NRBF2: variants seen among roughly 807,000 people sequenced by gnomAD.
The protein encoded by NRBF2 is nuclear receptor binding factor 2.
Under a neutral mutation model 28.5 loss-of-function variants are expected in NRBF2, and 12 were observed. The ratio of observed to expected loss-of-function variants is 0.42; its 90% CI spans 0.27 to 0.68. NRBF2 has a LOEUF of 0.68. NRBF2 is among the 30% of genes least tolerant of loss of function. NRBF2 has a pLI of 0.24. For missense variants in NRBF2, 274 were observed against 333.5 expected (o/e 0.82, Z 1.39); for synonymous variants, 102 against 116.5 (o/e 0.88, Z 0.80).
Position 63,154,780 on chromosome 10 carries a change from T to C in NRBF2, c.*562T>C, listed in dbSNP as rs1841707894. ...ACTCATAATGATAACCTCAAGACTA[T>C]CAGAAGAAATATTTAAATTTCCATT... is the stretch of plus-strand genomic sequence containing the variant. On this transcript the variant is annotated 3_prime_UTR_variant, in exon 4 of 4. Coordinates refer to ENST00000277746, the MANE Select transcript of NRBF2 (RefSeq NM_030759.5). 1 of 152,752 alleles carries C rather than the reference T, an allele frequency of 6.5e-6. No individual in the cohort carries two copies. The highest frequency in any genetic ancestry group is 1.5e-5 in the Non-Finnish European group (1 of 68,040). The allele number at this position is 152,752 out of a possible 1,614,324, so 9.5% of individuals were successfully genotyped here.
rs191427537 is a variant in NRBF2 at position 63,146,359 on chromosome 10, G to A, written c.115+66G>A. ...CAGAAAGTCACAATAGTAATAATGT[G>A]TGTTGCTTTTCATATGCAAGACTGA... On this transcript the variant is annotated intron_variant, in intron 2 of 3. Transcript: ENST00000277746. 5.6e-4 allele frequency: 638 copies of A among 1,131,998 alleles called. 2 individuals carry two copies. The highest frequency in any genetic ancestry group is 6.3e-4 in the East Asian group (26 of 40,988). The allele number at this position is 1,131,998 out of a possible 1,614,324, so 70.1% of individuals were successfully genotyped here. A position where few individuals can be genotyped will look rare whatever the true frequency, so the allele number is the denominator to read the frequency against.
intron 1 of NRBF2, among the ~76,000 whole-genome samples, chr10:63,138,971 T>A (rs1328583639): frequency 6.6e-6 from 1 of 152,170 alleles, no homozygotes; most frequent in Non-Finnish European, 1.5e-5. Flanking sequence ...TTTCCTCTGC[T>A]GCCTTTTCAG....
intron 1 of NRBF2, among the ~76,000 whole-genome samples, chr10:63,138,202 A>G (rs946422009): frequency 2.6e-5 from 4 of 152,100 alleles, no homozygotes; most frequent in South Asian, 2.1e-4. Context: ...AATCCCAGCT[A>G]CTTGGGAGGC....
intron 2 of NRBF2, among the ~76,000 whole-genome samples, chr10:63,148,601 A>T (rs1041552976): frequency 3.3e-5 from 5 of 152,322 alleles, no homozygotes; most frequent in African/African-American, 1.2e-4. Flanking sequence ...CCTGTCAAAG[A>T]TCAGAGGAGA....
chr10:63,133,331 C>A lies in NRBF2; in HGVS notation c.-140C>A. On this transcript the variant is annotated 5_prime_UTR_variant, in exon 1 of 4. Transcript: ENST00000277746. ...AGGAGGAAGTGGTGAGGTTGTTGCT[C>A]CTTCAGCGCCTATCGCTGGCTCTTG... 1.0e-6 allele frequency: 1 copy of A among 986,472 alleles called. No homozygotes were observed. Among genetic ancestry groups the A allele is most frequent in the Non-Finnish European group, 1.5e-6 (1 of 653,832 alleles). 61.1% of individuals were successfully genotyped at this position (986,472 alleles called of 1,614,324 possible).
intron 1 of NRBF2, among the ~76,000 whole-genome samples, chr10:63,144,705 C>T (rs147109897): frequency 4.7e-4 from 72 of 152,062 alleles, no homozygotes; most frequent in South Asian, 1.5e-3. Flanking sequence ...CGTGAGCCAC[C>T]GCGCCCGGCC....
intron 2 of NRBF2, among the ~76,000 whole-genome samples, chr10:63,148,583 G>C (rs568099899): frequency 1.3e-5 from 2 of 152,292 alleles, no homozygotes; most frequent in Non-Finnish European, 2.9e-5. Flanking sequence ...AGGGGACCTG[G>C]GTGTCCACCT....
intron 1 of NRBF2, among the ~76,000 whole-genome samples, chr10:63,144,059 CT>C (rs1273548169): frequency 6.6e-6 from 1 of 152,058 alleles, no homozygotes; most frequent in Non-Finnish European, 1.5e-5. Flanking sequence ...CACCCAGCCA[CT>C]TTTTACCTTT....
chr10:63,140,979 G>A (rs1259256393), intron 1 of NRBF2, among the ~76,000 whole-genome samples: 6 of 152,130 alleles, frequency 3.9e-5, no homozygotes, highest in African/African-American at 1.4e-4. Flanking sequence ...GATTATAGAC[G>A]TGAGCCTCCG....
At chr10:63,145,505 G>A (rs1040902421) in intron 1 of NRBF2, among the ~76,000 whole-genome samples, 1 of 152,192 alleles carries the variant, frequency 6.6e-6, no homozygotes, top group Non-Finnish European at 1.5e-5. Context: ...CACTGTGCCT[G>A]GACTTAAAGC....
chr10:63,141,771 A>C (rs1248656533), intron 1 of NRBF2, among the ~76,000 whole-genome samples: 2 of 152,270 alleles, frequency 1.3e-5, no homozygotes, highest in Non-Finnish European at 2.9e-5. Flanking sequence ...GAACGTTGGC[A>C]GTCGAGCTCT....
At chr10:63,139,095 C>T (rs780559731) in intron 1 of NRBF2, among the ~76,000 whole-genome samples, 2 of 152,126 alleles carry the variant, frequency 1.3e-5, no homozygotes, top group East Asian at 1.9e-4. Context: ...CCACAACCTC[C>T]GCCTCCGGGG....
At chr10:63,149,532 T>TG (rs1841614238) in intron 2 of NRBF2, among the ~76,000 whole-genome samples, 1 of 152,274 alleles carries the variant, frequency 6.6e-6, no homozygotes, top group African/African-American at 2.4e-5. Flanking sequence ...ATTTCTGTGT[T>TG]GCTATACTTT....
intron 1 of NRBF2, among the ~76,000 whole-genome samples, chr10:63,141,576 A>C (rs1373312581): frequency 6.6e-6 from 1 of 152,260 alleles, no homozygotes; most frequent in Non-Finnish European, 1.5e-5. Flanking sequence ...AGTATGTACC[A>C]GTACCAGGCA....
chr10:63,137,353 C>G (rs766233221), intron 1 of NRBF2, among the ~76,000 whole-genome samples: 6 of 152,178 alleles, frequency 3.9e-5, no homozygotes, highest in Non-Finnish European at 5.9e-5. Context: ...CACATTTTGT[C>G]AGTGTGACTA....
intron 1 of NRBF2, among the ~76,000 whole-genome samples, chr10:63,144,257 T>TGTCCACCA (rs1841524979): frequency 6.6e-6 from 1 of 152,166 alleles, no homozygotes; most frequent in Non-Finnish European, 1.5e-5. Context: ...AATGATGAGT[T>TGTCCACCA]GTTCCACCAT....
chr10:63,138,900 G>A (rs901827670), intron 1 of NRBF2, among the ~76,000 whole-genome samples: 2 of 152,210 alleles, frequency 1.3e-5, no homozygotes, highest in Non-Finnish European at 2.9e-5. Context: ...GGGAAAGGGG[G>A]AGTGAGTGAG....
rs947301979 is a variant in NRBF2 at position 63,133,395 on chromosome 10, A to T, written c.-76A>T. ...GGCCGCAGTCTCCGCGGCTGCGTCG[A>T]GCTCCCTTGCAGTCCCCTCCATGTT... On this transcript the variant is annotated 5_prime_UTR_variant, in exon 1 of 4. Transcript: ENST00000277746. 9 of 1,578,362 alleles carry T rather than the reference A, an allele frequency of 5.7e-6. No homozygotes were observed. Among genetic ancestry groups the T allele is most frequent in the Non-Finnish European group, 7.8e-6 (9 of 1,155,294 alleles).
intron 1 of NRBF2, among the ~76,000 whole-genome samples, chr10:63,133,841 C>A (rs993131121): frequency 6.6e-6 from 1 of 152,214 alleles, no homozygotes; most frequent in South Asian, 2.1e-4. Flanking sequence ...TGGAGAGGCA[C>A]TGAAGCCGGC....
Sources: allele counts gnomAD v4.1 joint callset (sites outside exome capture counted in the v4.1 genomes callset), GRCh38; gene constraint gnomAD v4.1.1; transcripts MANE v1.5; gene names NCBI Gene and HGNC (gene_info 2026-07-23, HGNC 2026-07-21).